The following EXOC4 variants were observed in gnomAD, a reference collection of about 807,000 sequenced individuals.
EXOC4 encodes the protein SEC8-like 1.
A neutral mutation model predicts 107.2 loss-of-function variants in EXOC4; 71 were observed. That is an observed-to-expected ratio of 0.66 (90% CI 0.55 to 0.81). The LOEUF is 0.81. Among genes scored for constraint, EXOC4 ranks in the 30% least tolerant of loss-of-function variants. EXOC4 has a pLI of 0.00. For missense variants in EXOC4, 1,108 were observed against 1,189.6 expected, an observed-to-expected ratio of 0.93 and a Z score of 1.01; for synonymous variants, 456 against 441.2, an observed-to-expected ratio of 1.03 and a Z score of -0.42.
At chr7:133,314,858 AT>A (rs1387423760) in intron 4 of EXOC4, among the ~76,000 whole-genome samples, 1 of 152,022 alleles carries the variant, frequency 6.6e-6, no homozygotes, top group East Asian at 1.9e-4. Flanking sequence ...AATGTATTAT[AT>A]TTTTCCTGTC....
chr7:133,555,265 A>G (rs1025638141), intron 9 of EXOC4, among the ~76,000 whole-genome samples: 13 of 152,170 alleles, frequency 8.5e-5, no homozygotes, highest in Non-Finnish European at 1.8e-4. Context: ...TGTGTTAACT[A>G]TTTTCACAGG....
intron 10 of EXOC4, among the ~76,000 whole-genome samples, chr7:133,655,096 C>T (rs1428288391): frequency 6.6e-6 from 1 of 152,086 alleles, no homozygotes; most frequent in Non-Finnish European, 1.5e-5. Context: ...ACACTGTACA[C>T]TTGAGTTACA....
At chr7:133,507,843 C>T (rs1799694596) in intron 9 of EXOC4, among the ~76,000 whole-genome samples, 1 of 152,088 alleles carries the variant, frequency 6.6e-6, no homozygotes, top group Non-Finnish European at 1.5e-5. Flanking sequence ...AGGTGGACCA[C>T]CTAAGGTCAG....
chr7:133,637,008 A>G (rs1228426531), intron 10 of EXOC4, among the ~76,000 whole-genome samples: 1 of 152,204 alleles, frequency 6.6e-6, no homozygotes, highest in South Asian at 2.1e-4. Context: ...AGAAATCGCC[A>G]TATTGCAGCA....
chr7:133,833,381 G>T (rs1046172429), intron 11 of EXOC4, among the ~76,000 whole-genome samples: 4 of 152,194 alleles, frequency 2.6e-5, no homozygotes, highest in Non-Finnish European at 5.9e-5. Context: ...GGGATTTGGG[G>T]TTCCTCCCAG....
chr7:133,386,930 A>G (rs1158401159), intron 7 of EXOC4, among the ~76,000 whole-genome samples: 1 of 152,160 alleles, frequency 6.6e-6, no homozygotes, highest in African/African-American at 2.4e-5. Context: ...ACTATAATGT[A>G]TTGAACCCCA....
intron 10 of EXOC4, among the ~76,000 whole-genome samples, chr7:133,762,685 G>A (rs551166922): frequency 2.1e-4 from 32 of 152,076 alleles, no homozygotes; most frequent in Admixed American, 4.6e-4. Context: ...TCCATATTAC[G>A]TAGTGTTATA....
intron 3 of EXOC4, among the ~76,000 whole-genome samples, chr7:133,301,224 A>G (rs997670666): frequency 6.6e-6 from 1 of 152,218 alleles, no homozygotes; most frequent in South Asian, 2.1e-4. Flanking sequence ...AGCGGCAGGT[A>G]GGTGACCTGG....
At chr7:134,019,946 T>C (rs1363467459) in intron 17 of EXOC4, among the ~76,000 whole-genome samples, 1 of 152,126 alleles carries the variant, frequency 6.6e-6, no homozygotes, top group African/African-American at 2.4e-5. Context: ...GGTGGTGTTA[T>C]GGGGTTGGTT....
intron 10 of EXOC4, among the ~76,000 whole-genome samples, chr7:133,633,920 G>A (rs1802647799): frequency 6.6e-6 from 1 of 151,962 alleles, no homozygotes. Flanking sequence ...TGGTGTCACT[G>A]GTACTCTGTC....
intron 14 of EXOC4, among the ~76,000 whole-genome samples, chr7:133,978,576 A>C (rs1003238460): frequency 6.6e-6 from 1 of 152,250 alleles, no homozygotes; most frequent in African/African-American, 2.4e-5. Flanking sequence ...TAATGTAGGG[A>C]ATACGATGTT....
the EXOC4 span, among the ~76,000 whole-genome samples, chr7:134,094,366 G>A: frequency 6.6e-6 from 1 of 152,154 alleles, no homozygotes; most frequent in Non-Finnish European, 1.5e-5. Flanking sequence ...GAATCAGGAA[G>A]AAATTGAAAC....
intron 10 of EXOC4, among the ~76,000 whole-genome samples, chr7:133,780,403 A>G (rs1479840510): frequency 1.3e-5 from 2 of 152,058 alleles, no homozygotes; most frequent in Non-Finnish European, 2.9e-5. Flanking sequence ...AATTAATGAT[A>G]TTAGCAGCTT....
intron 10 of EXOC4, among the ~76,000 whole-genome samples, chr7:133,700,846 TAGTC>T (rs1408241069): frequency 6.6e-6 from 1 of 152,186 alleles, no homozygotes; most frequent in Admixed American, 6.5e-5. Flanking sequence ...CCTTCTCTGA[TAGTC>T]AGTATTAACT....
intron 17 of EXOC4, among the ~76,000 whole-genome samples, chr7:134,057,065 G>A (rs774543712): frequency 1.7e-4 from 26 of 152,178 alleles, no homozygotes; most frequent in African/African-American, 3.4e-4. Flanking sequence ...CTGCTGAGGC[G>A]TGATGGTTAT....
chr7:133,753,442 T>C (rs1770208764), intron 10 of EXOC4, among the ~76,000 whole-genome samples: 1 of 152,230 alleles, frequency 6.6e-6, no homozygotes, highest in African/African-American at 2.4e-5. Flanking sequence ...AGGGCTGAGC[T>C]TAGATGATAT....
rs150271097 is a variant in EXOC4, at chr7:133,856,561, A to G, written c.1734+39017A>G. Among the ~76,000 whole-genome samples, 365 of 152,274 alleles carry G rather than the reference A, an allele frequency of 2.4e-3. 5 individuals carry two copies. The highest frequency in any genetic ancestry group is 8.2e-3 in the African/African-American group (341 of 41,554). On this transcript the variant is annotated intron_variant, in intron 11 of 17. Coordinates refer to ENST00000253861, the MANE Select transcript of EXOC4 (RefSeq NM_021807.4). ...ATCCAACATGTAGTAGAGAGAGAAAATGTGTTGAATGAATAAATGTGTGAT... is the reference window on the plus strand; with the variant it reads ...ATCCAACATGTAGTAGAGAGAGAAAGTGTGTTGAATGAATAAATGTGTGAT...
At chr7:133,758,496 C>T (rs1287045294) in intron 10 of EXOC4, among the ~76,000 whole-genome samples, 2 of 152,078 alleles carry the variant, frequency 1.3e-5, no homozygotes, top group Non-Finnish European at 2.9e-5. Context: ...TATCCCAGGC[C>T]CTAGGGACAG....
At chr7:133,917,552 A>G (rs1172254409) in intron 12 of EXOC4, 31 bp from the exon 13 acceptor site, 10 of 1,608,074 alleles carry the variant, frequency 6.2e-6, no homozygotes, top group Non-Finnish European at 7.7e-6. Context: ...GCATCATGCT[A>G]CAGTGTCTCT....
Sources: gnomAD v4.1 joint callset for allele counts (sites outside exome capture counted in the v4.1 genomes callset) on GRCh38, gnomAD v4.1.1 for gene constraint, MANE v1.5 for transcripts, NCBI Gene and HGNC (gene_info 2026-07-23, HGNC 2026-07-21) for gene names.